The following KCNMB2 variants were observed in gnomAD, a reference collection of about 807,000 sequenced individuals.
The protein encoded by KCNMB2 is calcium-activated potassium channel subunit beta-2.
Under a neutral mutation model 24.5 loss-of-function variants are expected in KCNMB2, and 9 were observed. The ratio of observed to expected loss-of-function variants is 0.37; its 90% CI spans 0.22 to 0.64. The LOEUF (loss-of-function observed/expected upper bound fraction) is 0.64. Among genes scored for constraint, KCNMB2 ranks in the 30% least tolerant of loss-of-function variants. The probability of loss-of-function intolerance (pLI) is 0.63; values close to 1 mark genes in which losing one functional copy is unlikely to be tolerated. For missense variants in KCNMB2, 226 were observed against 284.3 expected (o/e 0.79, Z 1.47); for synonymous variants, 109 against 104.4 (o/e 1.04, Z -0.27).
At chr3:178,546,670 A>G (rs1280597579) in intron 1 of KCNMB2, among the ~76,000 whole-genome samples, 5 of 152,206 alleles carry the variant, frequency 3.3e-5, no homozygotes, top group African/African-American at 1.2e-4. Flanking sequence ...TTTGGAAATA[A>G]GGCTAAAAGG....
At chr3:178,574,201 AAGG>A (rs758602654) in intron 1 of KCNMB2, among the ~76,000 whole-genome samples, 3 of 152,034 alleles carry the variant, frequency 2.0e-5, no homozygotes, top group Non-Finnish European at 4.4e-5. Flanking sequence ...TGCCCCAAAC[AAGG>A]AGATGTTAGG....
intron 1 of KCNMB2, among the ~76,000 whole-genome samples, chr3:178,591,187 A>G (rs1011248823): frequency 2.6e-5 from 4 of 151,126 alleles, no homozygotes; most frequent in African/African-American, 9.7e-5. Context: ...GAGGACTCCA[A>G]TGGAAAAAAA....
At chr3:178,628,907 C>T (rs1719213768) in intron 1 of KCNMB2, among the ~76,000 whole-genome samples, 1 of 152,038 alleles carries the variant, frequency 6.6e-6, no homozygotes, top group Non-Finnish European at 1.5e-5. Flanking sequence ...TGCTCATGTC[C>T]CAAGAGCACG....
intron 1 of KCNMB2, among the ~76,000 whole-genome samples, chr3:178,670,700 G>A (rs1270116804): frequency 6.6e-6 from 1 of 152,124 alleles, no homozygotes; most frequent in Non-Finnish European, 1.5e-5. Flanking sequence ...TTTGAACCAG[G>A]TCATCTGACT....
intron 1 of KCNMB2, among the ~76,000 whole-genome samples, chr3:178,692,547 T>C (rs1721718457): frequency 6.6e-6 from 1 of 152,204 alleles, no homozygotes; most frequent in African/African-American, 2.4e-5. Context: ...AAAGATAAGA[T>C]AGTTGTAGGT....
intron 1 of KCNMB2, among the ~76,000 whole-genome samples, chr3:178,627,591 C>CT (rs1719167217): frequency 6.6e-6 from 1 of 152,152 alleles, no homozygotes; most frequent in Non-Finnish European, 1.5e-5. Context: ...GTTCAGACAC[C>CT]TTCTCAACTT....
At chr3:178,702,558 T>A (rs1722139191) in intron 1 of KCNMB2, among the ~76,000 whole-genome samples, 1 of 152,122 alleles carries the variant, frequency 6.6e-6, no homozygotes, top group Admixed American at 6.5e-5. Context: ...CCAAAGGTCC[T>A]CCCCTACAGG....
At position 178,801,437 on chromosome 3, in the gene KCNMB2, T is replaced by C. The variant is rs781689289; in HGVS notation, c.-67-5906T>C. 1.8e-4 allele frequency among the ~76,000 whole-genome samples: 27 copies of C among 152,214 alleles called. 1 individual carries two copies. The highest frequency in any genetic ancestry group is 6.5e-4 in the Admixed American group (10 of 15,268). ...TAGTGTTCTGCAATGCACTCTTCTT[T>C]TCCTCTACAACTGGGCAGTAAGCAG... On this transcript the variant is annotated intron_variant, in intron 1 of 4. Coordinates refer to ENST00000452583, the MANE Select transcript of KCNMB2 (RefSeq NM_181361.3).
intron 1 of KCNMB2, among the ~76,000 whole-genome samples, chr3:178,684,554 G>A (rs565514743): frequency 1.8e-4 from 28 of 152,256 alleles, no homozygotes; most frequent in African/African-American, 6.3e-4. Flanking sequence ...GTGGCCAGGC[G>A]TGGTGGCTCA....
intron 4 of KCNMB2, among the ~76,000 whole-genome samples, chr3:178,834,325 T>A (rs914289107): frequency 2.0e-5 from 3 of 152,212 alleles, no homozygotes; most frequent in African/African-American, 4.8e-5. Context: ...TATGTCTGAA[T>A]TAAAATCTAA....
At chr3:178,544,083 G>C (rs1274449361) in intron 1 of KCNMB2, among the ~76,000 whole-genome samples, 1 of 152,078 alleles carries the variant, frequency 6.6e-6, no homozygotes, top group South Asian at 2.1e-4. Flanking sequence ...TGCTCAATAA[G>C]TGTTTCTTGA....
intron 1 of KCNMB2, among the ~76,000 whole-genome samples, chr3:178,648,978 A>G (rs1047689293): frequency 7.2e-5 from 11 of 152,296 alleles, no homozygotes; most frequent in Admixed American, 5.2e-4. Flanking sequence ...TTATATCTTA[A>G]TGTCATTATT....
At position 178,766,157 on chromosome 3, in the gene KCNMB2, G is replaced by T. The variant is rs539538627; in HGVS notation, c.-67-41186G>T. Among the ~76,000 whole-genome samples the T allele has an allele frequency of 1.5e-4, 23 of 152,072 alleles. No homozygotes were observed. In the South Asian group the frequency reaches 4.4e-3, roughly 29 times the overall value. Reference sequence around the variant, plus strand: ...TTCCCTTATGTTCCCAGAAGAAAAAGAGATATACCCCTCTTCCATATTCTT... The same window carrying T: ...TTCCCTTATGTTCCCAGAAGAAAAATAGATATACCCCTCTTCCATATTCTT... On this transcript the variant is annotated intron_variant, in intron 1 of 4. Transcript: ENST00000452583.
At chr3:178,813,101 A>T (rs1213865085) in intron 2 of KCNMB2, among the ~76,000 whole-genome samples, 2 of 152,192 alleles carry the variant, frequency 1.3e-5, no homozygotes, top group Non-Finnish European at 2.9e-5. Context: ...AATGAATACG[A>T]TTAACCTCTA....
chr3:178,666,526 G>C, intron 1 of KCNMB2, among the ~76,000 whole-genome samples: 1 of 152,114 alleles, frequency 6.6e-6, no homozygotes, highest in East Asian at 1.9e-4. Flanking sequence ...TTGATTCTGC[G>C]TGGTGTTTTC....
rs1025962483 is a variant in KCNMB2, at chr3:178,571,072, C to T, written c.-68+34361C>T. ...ATGTCACAGAGGCTAATATTTTCTT[C>T]CACAAATTAACTATAAACTTTTAAA... On this transcript the variant is annotated intron_variant, in intron 1 of 4. Coordinates refer to ENST00000452583, the MANE Select transcript of KCNMB2 (RefSeq NM_181361.3). 2.6e-5 allele frequency among the ~76,000 whole-genome samples: 4 copies of T among 152,248 alleles called. No homozygotes were observed. In the East Asian group the frequency reaches 7.7e-4, roughly 29 times the overall value.
At chr3:178,796,450 C>A (rs1713543972) in intron 1 of KCNMB2, among the ~76,000 whole-genome samples, 1 of 152,176 alleles carries the variant, frequency 6.6e-6, no homozygotes, top group Non-Finnish European at 1.5e-5. Context: ...CAGCAGAATA[C>A]ACATTCTTCT....
intron 1 of KCNMB2, among the ~76,000 whole-genome samples, chr3:178,738,319 T>C (rs1336147592): frequency 3.9e-5 from 6 of 152,194 alleles, no homozygotes; most frequent in Admixed American, 2.0e-4. Flanking sequence ...TGCTCATCTA[T>C]TGGGCCCTCC....
At chr3:178,611,490 G>T (rs992182106) in intron 1 of KCNMB2, among the ~76,000 whole-genome samples, 6 of 152,128 alleles carry the variant, frequency 3.9e-5, no homozygotes, top group Non-Finnish European at 8.8e-5. Flanking sequence ...AGGTCACAAG[G>T]TCAGGAGATC....
Sources: gnomAD v4.1 joint callset for allele counts (sites outside exome capture counted in the v4.1 genomes callset) on GRCh38, gnomAD v4.1.1 for gene constraint, MANE v1.5 for transcripts, NCBI Gene and HGNC (gene_info 2026-07-23, HGNC 2026-07-21) for gene names.